The following ADGRA3 variants were observed in gnomAD, a reference collection of about 807,000 sequenced individuals.
ADGRA3 encodes the protein G-protein coupled receptor 125.
A neutral mutation model predicts 119.8 loss-of-function variants in ADGRA3; 56 were observed. The ratio of observed to expected loss-of-function variants is 0.47; its 90% CI spans 0.38 to 0.58. The LOEUF (loss-of-function observed/expected upper bound fraction) is 0.58. Ranked by LOEUF, ADGRA3 falls within the 20% of genes least tolerant of loss-of-function variation. The pLI, the probability that ADGRA3 is intolerant of heterozygous loss-of-function variation, is 0.00. For missense variants in ADGRA3, 1,516 were observed against 1,649.0 expected (o/e 0.92, Z 1.40); for synonymous variants, 607 against 623.8 (o/e 0.97, Z 0.40).
At chr4:22,419,858 C>A (rs1330039308) in intron 12 of ADGRA3, among the ~76,000 whole-genome samples, 4 of 151,946 alleles carry the variant, frequency 2.6e-5, no homozygotes, top group African/African-American at 9.7e-5. Flanking sequence ...TCTCTTAGCG[C>A]CAATATTAAC....
chr4:22,418,410 G>C (rs1715514104), intron 12 of ADGRA3, among the ~76,000 whole-genome samples: 1 of 152,138 alleles, frequency 6.6e-6, no homozygotes, highest in Admixed American at 6.6e-5. Flanking sequence ...AATGAGATTA[G>C]GCAAAATTTC....
intron 3 of ADGRA3, 52 bp from the exon 4 acceptor site, chr4:22,454,989 G>T: frequency 7.9e-7 from 1 of 1,271,774 alleles, no homozygotes; most frequent in South Asian, 1.2e-5. Context: ...GGTTAAAGAA[G>T]GTCTCATGCA....
At chr4:22,390,867 T>C (rs1577318379) in intron 17 of ADGRA3, among the ~76,000 whole-genome samples, 1 of 152,206 alleles carries the variant, frequency 6.6e-6, no homozygotes, top group Admixed American at 6.5e-5. Flanking sequence ...CTGCTTAAGG[T>C]TAAGATTCCC....
At chr4:22,464,557 C>T (rs1717585873) in intron 2 of ADGRA3, among the ~76,000 whole-genome samples, 1 of 152,162 alleles carries the variant, frequency 6.6e-6, no homozygotes, top group Admixed American at 6.5e-5. Flanking sequence ...AATGCCATGG[C>T]CCCAGCATCC....
rs193229554 is a variant in ADGRA3 at position 22,426,026 on chromosome 4, T to C, written c.1444-1674A>G. 3.7e-3 allele frequency among the ~76,000 whole-genome samples: 568 copies of C among 152,312 alleles called. 1 individual carries two copies. The highest frequency in any genetic ancestry group is 6.2e-3 in the Non-Finnish European group (425 of 68,024). ...CTTTCTGAATGTTGTGGAGATTAAG[T>C]TCCAATAATAAATACAAGGTTCCTA... On this transcript the variant is annotated intron_variant, in intron 10 of 18. Transcript: ENST00000334304.
At chr4:22,505,762 A>C (rs1719215196) in intron 1 of ADGRA3, among the ~76,000 whole-genome samples, 1 of 152,166 alleles carries the variant, frequency 6.6e-6, no homozygotes. Context: ...CTACAGGGTC[A>C]CATCTAACCG....
At chr4:22,513,569 T>C (rs1577394521) in intron 1 of ADGRA3, among the ~76,000 whole-genome samples, 1 of 151,120 alleles carries the variant, frequency 6.6e-6, no homozygotes, top group African/African-American at 2.4e-5. Flanking sequence ...TGGAGTGCAG[T>C]GGTGCGATTT....
chr4:22,495,531 C>A (rs76511979), intron 1 of ADGRA3, among the ~76,000 whole-genome samples: 4,738 of 152,122 alleles, frequency 0.031, 332 homozygotes, highest in African/African-American at 0.11. Context: ...GGAAAACAAA[C>A]AAGGACTTAT....
At chr4:22,477,084 T>C (rs1718075648) in intron 1 of ADGRA3, among the ~76,000 whole-genome samples, 2 of 152,204 alleles carry the variant, frequency 1.3e-5, no homozygotes. Context: ...AATTGCTAAG[T>C]ACAGCTTGAG....
At chr4:22,500,246 T>C (rs191280776) in intron 1 of ADGRA3, among the ~76,000 whole-genome samples, 10 of 152,306 alleles carry the variant, frequency 6.6e-5, no homozygotes, top group Admixed American at 5.9e-4. Context: ...GTCACTTTCA[T>C]GAAAATAACA....
intron 10 of ADGRA3, among the ~76,000 whole-genome samples, chr4:22,434,725 T>C (rs1479998786): frequency 6.6e-6 from 1 of 152,170 alleles, no homozygotes. Flanking sequence ...TGCTTGTCAA[T>C]TTTTTTCCCC....
intron 17 of ADGRA3, among the ~76,000 whole-genome samples, chr4:22,391,896 CTTCT>C (rs749714824): frequency 2.0e-5 from 3 of 151,962 alleles, no homozygotes; most frequent in Non-Finnish European, 2.9e-5. Flanking sequence ...AAATTAATGG[CTTCT>C]TTCTTTACAT....
At position 22,467,416 on chromosome 4, in the gene ADGRA3, T is replaced by G. The variant is rs574369777; in HGVS notation, c.330-5608A>C. Among the ~76,000 whole-genome samples, 4 of 152,328 alleles carry G rather than the reference T, an allele frequency of 2.6e-5. 1 individual carries two copies. In the South Asian group the frequency reaches 8.3e-4, roughly 32 times the overall value. ...TTTATGAAAAAATTCAACCTGTATG[T>G]TTTTGACTTGTTTTGCATAAGCTAA... is the stretch of plus-strand genomic sequence containing the variant. On this transcript the variant is annotated intron_variant, in intron 2 of 18. Coordinates refer to ENST00000334304, the MANE Select transcript of ADGRA3 (RefSeq NM_145290.4).
intron 3 of ADGRA3, among the ~76,000 whole-genome samples, chr4:22,461,034 C>T (rs13102647): frequency 0.69 from 104,446 of 152,130 alleles, 38,594 homozygotes; most frequent in Non-Finnish European, 0.83. Flanking sequence ...AAAACTGGTC[C>T]TTAGGTTTTA....
intron 16 of ADGRA3, among the ~76,000 whole-genome samples, chr4:22,399,173 G>T (rs1167050165): frequency 6.6e-6 from 1 of 152,152 alleles, no homozygotes; most frequent in Non-Finnish European, 1.5e-5. Context: ...TCTACGACAT[G>T]CTCATCCATT....
intron 1 of ADGRA3, among the ~76,000 whole-genome samples, chr4:22,486,995 A>G (rs1050168401): frequency 1.3e-5 from 2 of 152,122 alleles, no homozygotes; most frequent in Middle Eastern, 3.2e-3. Context: ...GATAAAGCTG[A>G]TAGTGGACGT....
At chr4:22,404,957 C>T (rs951543396) in intron 14 of ADGRA3, among the ~76,000 whole-genome samples, 1 of 152,242 alleles carries the variant, frequency 6.6e-6, no homozygotes, top group East Asian at 1.9e-4. Context: ...CTTCTCAAGT[C>T]CTTTTGTAGC....
intron 14 of ADGRA3, among the ~76,000 whole-genome samples, chr4:22,412,567 A>C (rs2109022381): frequency 6.6e-6 from 1 of 152,296 alleles, no homozygotes; most frequent in South Asian, 2.1e-4. Context: ...AAAAAATCCA[A>C]AATCCAAAAC....
Position 22,413,708 on chromosome 4 carries a change from A to G in ADGRA3, c.1916T>C (p.Ile639Thr), listed in dbSNP as rs754342871. ...TDDSLYKLQL[I>T]AFRNGKLFPA... ...AAAAAGCTTTCCATTGCGGAATGCAATGAGTTGAAGCTTGTAAAGAGAGTC... is the reference window on the plus strand; with the variant it reads ...AAAAAGCTTTCCATTGCGGAATGCAGTGAGTTGAAGCTTGTAAAGAGAGTC... The change falls in exon 13 of 19, where the codon ATT becomes ACT. Residue 639 changes from isoleucine to threonine, a missense_variant. Ile to Thr is a moderately conservative substitution (Grantham distance 89). Coordinates refer to ENST00000334304, the MANE Select transcript of ADGRA3 (RefSeq NM_145290.4). 2 of 1,613,988 alleles carry G rather than the reference A, an allele frequency of 1.2e-6. No homozygotes were observed. Among genetic ancestry groups the G allele is most frequent in the Admixed American group, 1.7e-5 (1 of 59,994 alleles).
Sources: gnomAD v4.1 joint callset for allele counts (sites outside exome capture counted in the v4.1 genomes callset) on GRCh38, gnomAD v4.1.1 for gene constraint, MANE v1.5 for transcripts, NCBI Gene and HGNC (gene_info 2026-07-23, HGNC 2026-07-21) for gene names.